Variants in NRF1 observed in about 807,000 individuals in gnomAD.
NRF1 encodes nuclear respiratory factor 1.
A neutral mutation model predicts 58.5 loss-of-function variants in NRF1; 5 were observed. The observed-to-expected ratio is 0.09, with a 90% CI of 0.04 to 0.18. The LOEUF (loss-of-function observed/expected upper bound fraction) is 0.18, where lower values mean the gene tolerates loss of function less well. Among genes scored for constraint, NRF1 ranks in the 10% least tolerant of loss-of-function variants. NRF1 has a pLI of 1.00. For missense variants in NRF1, 288 were observed against 657.7 expected (o/e 0.44, Z 6.15); for synonymous variants, 224 against 246.7 (o/e 0.91, Z 0.86).
At chr7:129,631,927 T>C (rs1342423446) in intron 1 of NRF1, among the ~76,000 whole-genome samples, 2 of 152,194 alleles carry the variant, frequency 1.3e-5, no homozygotes, top group African/African-American at 4.8e-5. Context: ...GCTGTTTGCT[T>C]ATAAATATGC....
intron 9 of NRF1, among the ~76,000 whole-genome samples, chr7:129,726,766 T>A (rs1803460664): frequency 6.6e-6 from 1 of 152,226 alleles, no homozygotes; most frequent in African/African-American, 2.4e-5. Context: ...TGCTGCTGAC[T>A]CCTCATATTA....
rs981906975 is a variant in NRF1 at position 129,689,820 on chromosome 7, G to A, written c.466-586G>A. Among the ~76,000 whole-genome samples the A allele has an allele frequency of 7.2e-5, 11 of 152,312 alleles. No individual in the cohort carries two copies. The East Asian group carries it at 9.6e-4, about 13-fold the overall frequency. On this transcript the variant is annotated intron_variant, in intron 4 of 10. Coordinates refer to ENST00000393232, the MANE Select transcript of NRF1 (RefSeq NM_005011.5). ...TGACCTATGGGGCTCCCTTTGGCCC[G>A]GGCCTTACCAGTAGTGGCACTCAGC... is the stretch of plus-strand genomic sequence containing the variant.
At chr7:129,619,432 A>ACACC (rs1800731188) in intron 1 of NRF1, among the ~76,000 whole-genome samples, 1 of 94,114 alleles carries the variant, frequency 1.1e-5, no homozygotes, top group Admixed American at 1.1e-4. Flanking sequence ...ATATATATAT[A>ACACC]TACACACACA....
At chr7:129,687,276 C>CTT (rs34165257) in intron 4 of NRF1, among the ~76,000 whole-genome samples, 3,879 of 137,748 alleles carry the variant, frequency 0.028, 77 homozygotes, top group Non-Finnish European at 0.039. Flanking sequence ...GATGCAAGTC[C>CTT]TTTTTTTTTT....
intron 10 of NRF1, among the ~76,000 whole-genome samples, chr7:129,733,101 A>G (rs2116269805): frequency 6.6e-6 from 1 of 151,858 alleles, no homozygotes; most frequent in South Asian, 2.1e-4. Context: ...TTAAATTTGA[A>G]AAAACTTTTA....
intron 1 of NRF1, among the ~76,000 whole-genome samples, chr7:129,649,706 C>A (rs1801493075): frequency 6.6e-6 from 1 of 152,094 alleles, no homozygotes; most frequent in Non-Finnish European, 1.5e-5. Flanking sequence ...CCAGAGAGTA[C>A]CCCTACCCCA....
intron 1 of NRF1, among the ~76,000 whole-genome samples, chr7:129,657,088 G>A (rs763466991): frequency 4.6e-5 from 7 of 152,110 alleles, no homozygotes; most frequent in Non-Finnish European, 7.4e-5. Context: ...AAGGGTATCT[G>A]TTGTTTTGTG....
chr7:129,729,636 T>C (rs984569822), intron 10 of NRF1, among the ~76,000 whole-genome samples: 2 of 152,272 alleles, frequency 1.3e-5, no homozygotes, highest in African/African-American at 4.8e-5. Context: ...GAATCTCATA[T>C]GGGATATGAT....
At chr7:129,612,090 C>G (rs1194197367) in intron 1 of NRF1, among the ~76,000 whole-genome samples, 1 of 150,308 alleles carries the variant, frequency 6.7e-6, no homozygotes, top group Non-Finnish European at 1.5e-5. Flanking sequence ...CCCGAGAGCC[C>G]CAGGGTTCCG....
chr7:129,754,096 T>A (rs975996609), intron 10 of NRF1, among the ~76,000 whole-genome samples: 1 of 152,140 alleles, frequency 6.6e-6, no homozygotes, highest in Non-Finnish European at 1.5e-5. Context: ...CACGGCAAGC[T>A]GGGAAGGCCC....
chr7:129,665,804 C>T (rs1363700681), intron 2 of NRF1, among the ~76,000 whole-genome samples: 2 of 152,068 alleles, frequency 1.3e-5, no homozygotes, highest in African/African-American at 4.8e-5. Context: ...GCAGACATGC[C>T]GTTTTGCCAT....
chr7:129,612,180 C>T (rs1267902094), intron 1 of NRF1, among the ~76,000 whole-genome samples: 3 of 150,964 alleles, frequency 2.0e-5, no homozygotes, highest in African/African-American at 7.3e-5. Flanking sequence ...TCCCGCAGCT[C>T]GGGAGCGGGA....
At chr7:129,713,921 T>C (rs185724834) in intron 8 of NRF1, among the ~76,000 whole-genome samples, 1 of 152,332 alleles carries the variant, frequency 6.6e-6, no homozygotes, top group Non-Finnish European at 1.5e-5. Context: ...TGTGAAAGCA[T>C]GGAACAGCCA....
chr7:129,619,948 T>C (rs187160384), intron 1 of NRF1, among the ~76,000 whole-genome samples: 6 of 152,032 alleles, frequency 3.9e-5, no homozygotes, highest in Non-Finnish European at 8.8e-5. Flanking sequence ...CCCTTAAAAT[T>C]GTTTGAAAAG....
At chr7:129,704,197 T>C (rs1802898917) in intron 5 of NRF1, among the ~76,000 whole-genome samples, 1 of 152,106 alleles carries the variant, frequency 6.6e-6, no homozygotes, top group South Asian at 2.1e-4. Flanking sequence ...GGTAATAGCT[T>C]GCCATTGATC....
At chr7:129,712,204 G>A (rs1803089131) in intron 8 of NRF1, among the ~76,000 whole-genome samples, 1 of 152,152 alleles carries the variant, frequency 6.6e-6, no homozygotes, top group Non-Finnish European at 1.5e-5. Context: ...TTTGCCCAAA[G>A]TCCCATAGCA....
At chr7:129,714,813 A>C (rs3800599) in intron 8 of NRF1, among the ~76,000 whole-genome samples, 44,546 of 152,102 alleles carry the variant, frequency 0.29, 8,098 homozygotes, top group Non-Finnish European at 0.42. Context: ...TAACTAAAGC[A>C]GGAAGCATTT....
chr7:129,643,450 T>C (rs904438413), intron 1 of NRF1, among the ~76,000 whole-genome samples: 4 of 152,232 alleles, frequency 2.6e-5, no homozygotes, highest in Non-Finnish European at 5.9e-5. Context: ...CTAATCCTGC[T>C]ATCACACATG....
chr7:129,728,725 T>C (rs1457284659), intron 10 of NRF1, among the ~76,000 whole-genome samples: 1 of 152,192 alleles, frequency 6.6e-6, no homozygotes, highest in Non-Finnish European at 1.5e-5. Context: ...AAGAATAACA[T>C]AGGAAATGCA....
Sources: allele counts gnomAD v4.1 joint callset (sites outside exome capture counted in the v4.1 genomes callset), GRCh38; gene constraint gnomAD v4.1.1; transcripts MANE v1.5; gene names NCBI Gene and HGNC (gene_info 2026-07-23, HGNC 2026-07-21).